The following TNPO1 variants were observed in gnomAD, a reference collection of about 807,000 sequenced individuals.
TNPO1 encodes the protein transportin 1.
TNPO1 carries 8 observed loss-of-function variants against 119.5 expected under a neutral mutation model. That is an observed-to-expected ratio of 0.07 (90% CI 0.04 to 0.12). The LOEUF is 0.12. Ranked by LOEUF, TNPO1 falls within the 10% of genes least tolerant of loss-of-function variation. The pLI, the probability that TNPO1 is intolerant of heterozygous loss-of-function variation, is 1.00. For synonymous variants in TNPO1, 362 were observed against 363.0 expected (o/e 1.00, Z 0.03); for missense variants, 576 against 1,089.8 (o/e 0.53, Z 6.64).
intron 9 of TNPO1, among the ~76,000 whole-genome samples, chr5:72,880,074 C>T (rs1748117956): frequency 6.6e-6 from 1 of 152,088 alleles, no homozygotes; most frequent in Non-Finnish European, 1.5e-5. Context: ...GTAATTCCAG[C>T]TACTTGTGTG....
At chr5:72,836,110 T>C (rs1326761029) in intron 1 of TNPO1, among the ~76,000 whole-genome samples, 1 of 152,210 alleles carries the variant, frequency 6.6e-6, no homozygotes, top group East Asian at 1.9e-4. Flanking sequence ...CAAGCTGGAA[T>C]TGCACTCCAG....
intron 3 of TNPO1, among the ~76,000 whole-genome samples, chr5:72,854,245 G>A (rs1030387523): frequency 1.3e-4 from 20 of 152,104 alleles, no homozygotes; most frequent in African/African-American, 4.3e-4. Context: ...GGTTTGAGAC[G>A]GAGTCTCGCA....
In TNPO1 at chr5:72,831,044, C is replaced by T. The variant is rs756505684; in HGVS notation, c.15+14292C>T. 4.7e-4 allele frequency among the ~76,000 whole-genome samples: 71 copies of T among 152,096 alleles called. 1 individual carries two copies. The highest frequency in any genetic ancestry group is 8.5e-4 in the Non-Finnish European group (58 of 67,912). ...TCTTACTTACCACATTAGTTTTCTTCGGCAGAAAAATGTATTAAGAAGACT... is the reference window on the plus strand; with the variant it reads ...TCTTACTTACCACATTAGTTTTCTTTGGCAGAAAAATGTATTAAGAAGACT... On this transcript the variant is annotated intron_variant, in intron 1 of 24. Transcript: ENST00000337273.
chr5:72,897,321 A>G (rs1749499940), intron 20 of TNPO1, among the ~76,000 whole-genome samples, 170 bp downstream of exon 20: 1 of 152,190 alleles, frequency 6.6e-6, no homozygotes, highest in South Asian at 2.1e-4. Flanking sequence ...ACATTCTATA[A>G]CCAGTTTTCA....
At chr5:72,854,671 A>AAGCATT (rs1745843882) in intron 3 of TNPO1, among the ~76,000 whole-genome samples, 1 of 152,212 alleles carries the variant, frequency 6.6e-6, no homozygotes, top group African/African-American at 2.4e-5. Context: ...TGTTTAATAA[A>AAGCATT]TCATAAGCAT....
intron 3 of TNPO1, among the ~76,000 whole-genome samples, chr5:72,853,437 T>A (rs996381932): frequency 6.6e-6 from 1 of 152,140 alleles, no homozygotes; most frequent in African/African-American, 2.4e-5. Context: ...TCAGAAGTAC[T>A]TAAAAAAACA....
In TNPO1 at chr5:72,866,111, A is replaced by C. The variant is rs77396543; in HGVS notation, c.596+382A>C. On this transcript the variant is annotated intron_variant, in intron 6 of 24. Transcript: ENST00000337273. ...ATGTGCAGGTTTGTTACAAAGGCGT[A>C]TTGCGTGGATGCTGGGGGTTTAGAG... 4.3e-3 allele frequency among the ~76,000 whole-genome samples: 661 copies of C among 152,298 alleles called. 7 individuals carry two copies. Among genetic ancestry groups the C allele is most frequent in the African/African-American group, 0.015 (641 of 41,564 alleles).
intron 1 of TNPO1, among the ~76,000 whole-genome samples, chr5:72,830,822 A>C (rs191527749): frequency 6.6e-6 from 1 of 152,106 alleles, no homozygotes; most frequent in South Asian, 2.1e-4. Context: ...AAATGAATTT[A>C]TGTTTTTTTC....
At chr5:72,832,730 G>A (rs1450873773) in intron 1 of TNPO1, among the ~76,000 whole-genome samples, 2 of 152,136 alleles carry the variant, frequency 1.3e-5, no homozygotes, top group Non-Finnish European at 2.9e-5. Flanking sequence ...GTGATTGTCA[G>A]TGCTCAGAAA....
rs1271595632 is a variant in TNPO1 at position 72,911,722 on chromosome 5, A to G, written c.*3049A>G. The G allele has an allele frequency of 2.6e-5, 4 of 152,560 alleles. No homozygotes were observed. Among genetic ancestry groups the G allele is most frequent in the African/African-American group, 2.4e-5 (1 of 41,468 alleles). 9.5% of individuals were successfully genotyped at this position (152,560 alleles called of 1,614,324 possible). On this transcript the variant is annotated 3_prime_UTR_variant, in exon 25 of 25. Transcript: ENST00000337273. ...TTACTTCATCTGCTCCTTACACACT[A>G]AAATGCTGTTAGTGTGCTCAACTAC... is the stretch of plus-strand genomic sequence containing the variant.
At chr5:72,890,617 T>C (rs933234122) in intron 14 of TNPO1, among the ~76,000 whole-genome samples, 13 of 152,332 alleles carry the variant, frequency 8.5e-5, no homozygotes, top group Admixed American at 8.5e-4. Flanking sequence ...ATAGGTTTGC[T>C]TTGCTGTTGG....
intron 8 of TNPO1, among the ~76,000 whole-genome samples, chr5:72,876,962 G>T (rs140096462): frequency 0.022 from 3,331 of 151,924 alleles, 59 homozygotes; most frequent in Non-Finnish European, 0.029. Context: ...GGGTGTGGTG[G>T]CAGGCGCCTG....
chr5:72,858,560 A>G (rs1053902437), intron 4 of TNPO1, among the ~76,000 whole-genome samples: 7 of 152,130 alleles, frequency 4.6e-5, no homozygotes, highest in Non-Finnish European at 1.0e-4. Context: ...AGTATTGGCC[A>G]GGTGCGGTGG....
chr5:72,895,687 C>T (rs549614441), intron 18 of TNPO1, among the ~76,000 whole-genome samples: 3 of 152,190 alleles, frequency 2.0e-5, no homozygotes, highest in East Asian at 3.9e-4. Context: ...AATGAAGATA[C>T]TTATATAGGG....
chr5:72,853,957 A>G (rs1245096135), intron 3 of TNPO1, among the ~76,000 whole-genome samples: 3 of 152,218 alleles, frequency 2.0e-5, no homozygotes, highest in Non-Finnish European at 4.4e-5. Context: ...AATTTTTTAA[A>G]TGGATTTTAA....
At chr5:72,870,081 TGTTGGAATTTAC>T (rs1747263528) in intron 6 of TNPO1, among the ~76,000 whole-genome samples, 1 of 152,120 alleles carries the variant, frequency 6.6e-6, no homozygotes, top group Non-Finnish European at 1.5e-5. Flanking sequence ...TGAAAAGCCT[TGTTGGAATTTAC>T]GTTGGAATAA....
chr5:72,894,670 CA>C (rs910869207), intron 18 of TNPO1, among the ~76,000 whole-genome samples: 7 of 151,602 alleles, frequency 4.6e-5, no homozygotes, highest in African/African-American at 1.7e-4. Flanking sequence ...GACTCCGTCT[CA>C]AAAAAAATTA....
chr5:72,817,039 A>G (rs1580350709), intron 1 of TNPO1: 2 of 469,044 alleles, frequency 4.3e-6, no homozygotes, highest in Non-Finnish European at 7.5e-6. Flanking sequence ...GCGGGAAGGG[A>G]AGGGTCTTAC....
Position 72,904,930 on chromosome 5 carries a change from G to A in TNPO1, c.2590-373G>A, listed in dbSNP as rs532747679. Among the ~76,000 whole-genome samples the A allele has an allele frequency of 8.5e-5, 13 of 152,294 alleles. No individual in the cohort carries two copies. The South Asian group carries it at 1.4e-3, about 17-fold the overall frequency. The stretch of plus-strand genomic sequence containing the variant: ...GAAGGTGAAAGACAAGTCTTAAATC[G>A]CAGCAGGCAAGAAAGAGAATGAGAA... On this transcript the variant is annotated intron_variant, in intron 23 of 24. Transcript: ENST00000337273.
Sources: gnomAD v4.1 joint callset for allele counts (sites outside exome capture counted in the v4.1 genomes callset) on GRCh38, gnomAD v4.1.1 for gene constraint, MANE v1.5 for transcripts, NCBI Gene and HGNC (gene_info 2026-07-23, HGNC 2026-07-21) for gene names.